The following SAMD3 variants were observed in gnomAD, a reference collection of about 807,000 sequenced individuals.
The protein encoded by SAMD3 is sterile alpha motif domain-containing protein 3.
A neutral mutation model predicts 58.5 loss-of-function variants in SAMD3; 63 were observed. The observed-to-expected ratio is 1.08, with a 90% CI of 0.88 to 1.33. The LOEUF is 1.33. Among genes scored for constraint, SAMD3 ranks in the 40% most tolerant of loss-of-function variants. The pLI is 0.00. For synonymous variants in SAMD3, 220 were observed against 210.3 expected, an observed-to-expected ratio of 1.05 and a Z score of -0.40; for missense variants, 604 against 608.4, an observed-to-expected ratio of 0.99 and a Z score of 0.08.
chr6:130,365,627 C>T, upstream of SAMD3: 1 of 985,478 alleles, frequency 1.0e-6, no homozygotes, highest in Non-Finnish European at 1.2e-6. Context: ...GGCTCGGTAA[C>T]CGGTGGTCCC....
chr6:130,306,659 T>C (rs1775921156), intron 2 of SAMD3, among the ~76,000 whole-genome samples: 1 of 152,178 alleles, frequency 6.6e-6, no homozygotes, highest in South Asian at 2.1e-4. Context: ...AAGGAGATTA[T>C]GAAATATAGC....
intron 2 of SAMD3, among the ~76,000 whole-genome samples, chr6:130,287,208 A>G (rs1230011474): frequency 6.6e-6 from 1 of 152,186 alleles, no homozygotes; most frequent in Non-Finnish European, 1.5e-5. Flanking sequence ...CTTCCAAACA[A>G]TTCTCATCCT....
intron 2 of SAMD3, among the ~76,000 whole-genome samples, chr6:130,280,730 G>A (rs986980722): frequency 1.3e-5 from 2 of 151,926 alleles, no homozygotes; most frequent in African/African-American, 4.8e-5. Context: ...AAACTCCTTG[G>A]GACAGGAGTT....
intron 2 of SAMD3, among the ~76,000 whole-genome samples, chr6:130,282,574 G>A (rs1161797013): frequency 6.6e-6 from 1 of 152,058 alleles, no homozygotes; most frequent in African/African-American, 2.4e-5. Flanking sequence ...GGATTGAAAT[G>A]GAGACCACTG....
At chr6:130,200,118 T>C (rs1403229807) in intron 5 of SAMD3, among the ~76,000 whole-genome samples, 3 of 152,120 alleles carry the variant, frequency 2.0e-5, no homozygotes, top group Non-Finnish European at 2.9e-5. Context: ...AAAAAAACTT[T>C]TAAATCTTCC....
chr6:130,153,992 A>G (rs1789491646), intron 9 of SAMD3, among the ~76,000 whole-genome samples: 1 of 151,902 alleles, frequency 6.6e-6, no homozygotes, highest in African/African-American at 2.4e-5. Flanking sequence ...TTTCATATAT[A>G]TTTAAGGACA....
intron 2 of SAMD3, among the ~76,000 whole-genome samples, chr6:130,306,797 T>C (rs1775925867): frequency 6.6e-6 from 1 of 152,228 alleles, no homozygotes; most frequent in African/African-American, 2.4e-5. Flanking sequence ...TTCTTTCTTT[T>C]TCTATTCTTT....
chr6:130,189,598 A>G (rs1470807779), intron 5 of SAMD3, among the ~76,000 whole-genome samples: 1 of 152,032 alleles, frequency 6.6e-6, no homozygotes, highest in Non-Finnish European at 1.5e-5. Context: ...AGTGTCATGA[A>G]ATTTTCCCTA....
At chr6:130,247,299 A>G (rs139632852) in intron 2 of SAMD3, among the ~76,000 whole-genome samples, 4,643 of 152,132 alleles carry the variant, frequency 0.031, 237 homozygotes, top group African/African-American at 0.11. Context: ...GTGAAACCCC[A>G]TCTCTATTAA....
intron 1 of SAMD3, among the ~76,000 whole-genome samples, chr6:130,351,959 A>G (rs1361753399): frequency 6.6e-6 from 1 of 151,812 alleles, no homozygotes; most frequent in African/African-American, 2.4e-5. Context: ...AAACTATCAC[A>G]AGGACAAAAA....
At chr6:130,199,297 C>G (rs1794426728) in intron 5 of SAMD3, among the ~76,000 whole-genome samples, 1 of 152,188 alleles carries the variant, frequency 6.6e-6, no homozygotes, top group Non-Finnish European at 1.5e-5. Flanking sequence ...TAATTCCTCT[C>G]TACATCCAAG....
chr6:130,228,958 G>T (rs1424480116), intron 2 of SAMD3, among the ~76,000 whole-genome samples: 1 of 152,174 alleles, frequency 6.6e-6, no homozygotes. Flanking sequence ...ACAAAAGCTT[G>T]AGCCTTAAGG....
At chr6:130,206,745 A>G (rs971814430) in intron 5 of SAMD3, among the ~76,000 whole-genome samples, 2 of 152,134 alleles carry the variant, frequency 1.3e-5, no homozygotes, top group Non-Finnish European at 2.9e-5. Flanking sequence ...CTAGTTTCCA[A>G]ACCCTTCTAT....
intron 2 of SAMD3, among the ~76,000 whole-genome samples, chr6:130,277,696 A>C (rs1322380128): frequency 6.6e-6 from 1 of 152,172 alleles, no homozygotes; most frequent in African/African-American, 2.4e-5. Context: ...TCTGAGGCAC[A>C]GGCTTGGTTT....
At chr6:130,253,849 C>T (rs1372346844) in intron 2 of SAMD3, among the ~76,000 whole-genome samples, 1 of 151,956 alleles carries the variant, frequency 6.6e-6, no homozygotes, top group Non-Finnish European at 1.5e-5. Flanking sequence ...TACCCCTTAC[C>T]TCTCCTCCTG....
intron 5 of SAMD3, among the ~76,000 whole-genome samples, chr6:130,194,480 T>C (rs1004789216): frequency 2.0e-5 from 3 of 152,192 alleles, no homozygotes; most frequent in African/African-American, 7.2e-5. Context: ...TGTACAATAA[T>C]AGAAAAAAGT....
chr6:130,282,915 T>C (rs1775030636), intron 2 of SAMD3, among the ~76,000 whole-genome samples: 1 of 152,144 alleles, frequency 6.6e-6, no homozygotes. Context: ...CAGATGCTAT[T>C]CAGCAACAAT....
chr6:130,176,434 T>C (rs1316670431), intron 7 of SAMD3, among the ~76,000 whole-genome samples: 1 of 152,210 alleles, frequency 6.6e-6, no homozygotes, highest in African/African-American at 2.4e-5. Context: ...AATAATTTCC[T>C]GTCATCTTTT....
At chr6:130,295,047 C>T (rs1236304443) in intron 2 of SAMD3, among the ~76,000 whole-genome samples, 4 of 151,166 alleles carry the variant, frequency 2.6e-5, no homozygotes, top group Non-Finnish European at 5.9e-5. Flanking sequence ...CCTCAGCCTC[C>T]CAAGTAGCTG....
Sources: gnomAD v4.1 joint callset for allele counts (sites outside exome capture counted in the v4.1 genomes callset) on GRCh38, gnomAD v4.1.1 for gene constraint, MANE v1.5 for transcripts, NCBI Gene and HGNC (gene_info 2026-07-23, HGNC 2026-07-21) for gene names.